SLC6A3: variants seen among roughly 807,000 people sequenced by gnomAD.
The protein encoded by SLC6A3 is solute carrier family 6 member 3.
A neutral mutation model predicts 70.4 loss-of-function variants in SLC6A3; 19 were observed. The observed-to-expected ratio is 0.27, with a 90% CI of 0.19 to 0.40. The LOEUF (loss-of-function observed/expected upper bound fraction) is 0.40, where lower values mean the gene tolerates loss of function less well. Ranked by LOEUF, SLC6A3 falls within the 10% of genes least tolerant of loss-of-function variation. The pLI, the probability that SLC6A3 is intolerant of heterozygous loss-of-function variation, is 1.00. For synonymous variants in SLC6A3, 368 were observed against 356.6 expected (o/e 1.03, Z -0.36); for missense variants, 613 against 838.5 (o/e 0.73, Z 3.32).
chr5:1,439,172 C>G (rs1756910139), intron 3 of SLC6A3, among the ~76,000 whole-genome samples: 1 of 152,160 alleles, frequency 6.6e-6, no homozygotes, highest in Non-Finnish European at 1.5e-5. Context: ...CCATTGGGGA[C>G]CTGATATCAG....
intron 5 of SLC6A3, 66 bp from the exon 6 acceptor site, chr5:1,420,769 C>A (rs1181998948): frequency 6.3e-7 from 1 of 1,583,118 alleles, no homozygotes; most frequent in Middle Eastern, 2.1e-4. Flanking sequence ...GACACTGGCA[C>A]AAGGGCACCG....
intron 4 of SLC6A3, among the ~76,000 whole-genome samples, chr5:1,426,479 G>A (rs1185659132): frequency 1.3e-5 from 2 of 152,276 alleles, no homozygotes; most frequent in East Asian, 1.9e-4. Flanking sequence ...GGTCAAGCCT[G>A]CAGTGAGCCG....
At chr5:1,431,379 G>T (rs1292596116) in intron 4 of SLC6A3, among the ~76,000 whole-genome samples, 1 of 152,228 alleles carries the variant, frequency 6.6e-6, no homozygotes, top group Non-Finnish European at 1.5e-5. Flanking sequence ...GGGCGGGCCT[G>T]GCCTGGGTGG....
chr5:1,431,207 C>A (rs1756693630), intron 4 of SLC6A3, among the ~76,000 whole-genome samples: 1 of 152,230 alleles, frequency 6.6e-6, no homozygotes, highest in African/African-American at 2.4e-5. Flanking sequence ...CGGGAGGGGT[C>A]CAGGGGAAAC....
At chr5:1,420,806 T>C (rs1756418165) in intron 5 of SLC6A3, 103 bp from the exon 6 acceptor site, 2 of 1,250,622 alleles carry the variant, frequency 1.6e-6, no homozygotes, top group Non-Finnish European at 2.3e-6. Context: ...TGTCCTCTGA[T>C]TGGGAGGCCC....
At chr5:1,410,951 TGTGTGTGTGTGC>T (rs1193865256) in intron 9 of SLC6A3, among the ~76,000 whole-genome samples, 2 of 144,934 alleles carry the variant, frequency 1.4e-5, no homozygotes, top group Non-Finnish European at 3.1e-5. Flanking sequence ...TGTGCGTGTA[TGTGTGTGTGTGC>T]ATGTGTGTGC....
chr5:1,419,323 TCATCCATCCATCCATCCATCCATC>T (rs59372317), intron 6 of SLC6A3, among the ~76,000 whole-genome samples: 3 of 142,856 alleles, frequency 2.1e-5, no homozygotes, highest in Non-Finnish European at 3.0e-5. Context: ...TACCTAGCAT[TCATCCATCCATCCATCCATCCATC>T]CATCCATCCA....
rs1483114348 is a variant in SLC6A3, at chr5:1,432,355, C to G, written c.653+109G>C. 5.1e-6 allele frequency: 4 copies of G among 786,970 alleles called. No individual in the cohort carries two copies. The African/African-American group carries it at 5.1e-5, about 10-fold the overall frequency. The allele number at this position is 786,970 out of a possible 1,614,324, so 48.7% of individuals were successfully genotyped here. ...GGATGGAGTGCAGGAACAGATTCCCCCTCCCCGCACCCTGGGAGTCAGCAA... is the reference window on the plus strand; with the variant it reads ...GGATGGAGTGCAGGAACAGATTCCCGCTCCCCGCACCCTGGGAGTCAGCAA... On this transcript the variant is annotated intron_variant, in intron 4 of 14. Transcript: ENST00000270349.
chr5:1,434,527 C>T (rs1207862494), intron 3 of SLC6A3, among the ~76,000 whole-genome samples: 3 of 152,196 alleles, frequency 2.0e-5, no homozygotes, highest in South Asian at 4.1e-4. Context: ...GGCAGATGGG[C>T]CTGGTGGTCA....
chr5:1,410,227 G>A (rs1421951261), intron 9 of SLC6A3, among the ~76,000 whole-genome samples: 1 of 152,216 alleles, frequency 6.6e-6, no homozygotes, highest in East Asian at 1.9e-4. Context: ...GCTTTCAGCT[G>A]CACCTGGCCT....
At chr5:1,398,603 A>G (rs528770276) in intron 14 of SLC6A3, among the ~76,000 whole-genome samples, 14 of 152,374 alleles carry the variant, frequency 9.2e-5, no homozygotes, top group South Asian at 4.1e-4. Flanking sequence ...TTCTAGGTGT[A>G]TGCTGGGTTT....
intron 3 of SLC6A3, among the ~76,000 whole-genome samples, chr5:1,433,717 G>A (rs1218769819): frequency 1.4e-5 from 2 of 143,660 alleles, no homozygotes; most frequent in African/African-American, 5.3e-5. Context: ...AACTATCCAT[G>A]GTCATCCATA....
chr5:1,439,253 C>T (rs931094372), intron 3 of SLC6A3, among the ~76,000 whole-genome samples: 7 of 148,144 alleles, frequency 4.7e-5, no homozygotes, highest in African/African-American at 1.5e-4. Flanking sequence ...CTGCAGATCC[C>T]GCCAAGGGGT....
rs1756169191 is a variant in SLC6A3 at position 1,413,262 on chromosome 5, T to A, written c.1156+1429A>T. On this transcript the variant is annotated intron_variant, in intron 8 of 14. Coordinates refer to ENST00000270349, the MANE Select transcript of SLC6A3 (RefSeq NM_001044.5). The surrounding 1 kb of genome is among the most constrained non-coding windows in gnomAD (Gnocchi z 7.1). ...CTGCATTTATTTGCAGATGTTCCCTTTCTCCCGCTTTGACTGAATTTTTTT... is the reference window on the plus strand; with the variant it reads ...CTGCATTTATTTGCAGATGTTCCCTATCTCCCGCTTTGACTGAATTTTTTT... 6.6e-6 allele frequency among the ~76,000 whole-genome samples: 1 copy of A among 152,236 alleles called. No individual in the cohort carries two copies. The highest frequency in any genetic ancestry group is 2.1e-4 in the South Asian group (1 of 4,834).
chr5:1,399,061 G>T (rs977772316), intron 14 of SLC6A3, among the ~76,000 whole-genome samples: 1 of 152,150 alleles, frequency 6.6e-6, no homozygotes, highest in African/African-American at 2.4e-5. Flanking sequence ...GATGTGCAAC[G>T]TTTATCAAAG....
Position 1,437,320 on chromosome 5 carries a change from T to G in SLC6A3, c.418+4039A>C, listed in dbSNP as rs1756861853. On this transcript the variant is annotated intron_variant, in intron 3 of 14. Transcript: ENST00000270349. The surrounding 1 kb of genome is among the most constrained non-coding windows in gnomAD (Gnocchi z 4.8). ...GGACGCCTCTCTGTGTCAGTCTGGG[T>G]GTCTTTAGTATGTGCTTGCTGTGTG... 6.7e-6 allele frequency among the ~76,000 whole-genome samples: 1 copy of G among 149,408 alleles called. No individual in the cohort carries two copies. Among genetic ancestry groups the G allele is most frequent in the Admixed American group, 6.7e-5 (1 of 15,036 alleles).
chr5:1,430,753 G>C (rs959435626), intron 4 of SLC6A3, among the ~76,000 whole-genome samples: 3 of 152,184 alleles, frequency 2.0e-5, no homozygotes, highest in African/African-American at 7.2e-5. Flanking sequence ...CAAAGTTCTC[G>C]GGGATGATCC....
chr5:1,440,706 T>C (rs182790530), intron 3 of SLC6A3, among the ~76,000 whole-genome samples: 3 of 152,154 alleles, frequency 2.0e-5, no homozygotes, highest in African/African-American at 7.2e-5. Context: ...GAGATATGCA[T>C]AGAAGCAAGA....
rs377131113 is a variant in SLC6A3 at position 1,394,765 on chromosome 5, A to G, written c.1840-7T>C. The G allele has an allele frequency of 6.2e-7, 1 of 1,614,168 alleles. No individual in the cohort carries two copies. Among genetic ancestry groups the G allele is most frequent in the South Asian group, 1.1e-5 (1 of 91,088 alleles). On this transcript the variant is annotated splice_polypyrimidine_tract_variant and splice_region_variant and intron_variant, in intron 14 of 14. Transcript: ENST00000270349. This position sits in a 1 kb window ranked among gnomAD's most constrained non-coding sequence, Gnocchi z 4.7. ...CCTTGAGCCAGTGGCGGAGCTGGAA[A>G]GAAAACAGGTTTAGTCAGAAACCCT...
Sources: gnomAD v4.1 joint callset for allele counts (sites outside exome capture counted in the v4.1 genomes callset) on GRCh38, gnomAD v4.1.1 for gene constraint, Gnocchi (gnomAD v3.1) non-coding constraint, MANE v1.5 for transcripts, NCBI Gene and HGNC (gene_info 2026-07-23, HGNC 2026-07-21) for gene names.